The following GLDC variants were observed in gnomAD, a reference collection of about 807,000 sequenced individuals.
GLDC encodes glycine decarboxylase.
Under a neutral mutation model 121.3 loss-of-function variants are expected in GLDC, and 104 were observed. The observed-to-expected ratio is 0.86, with a 90% CI of 0.73 to 1.01. The LOEUF (loss-of-function observed/expected upper bound fraction) is 1.01, where lower values mean the gene tolerates loss of function less well. GLDC is among the 50% of genes least tolerant of loss of function. The probability of loss-of-function intolerance (pLI) is 0.00; values close to 1 mark genes in which losing one functional copy is unlikely to be tolerated. For synonymous variants in GLDC, 546 were observed against 480.6 expected (o/e 1.14, Z -1.78); for missense variants, 1,429 against 1,306.6 (o/e 1.09, Z -1.44).
At chr9:6,613,099 T>C (rs376724216) in intron 3 of GLDC, among the ~76,000 whole-genome samples, 12 of 152,242 alleles carry the variant, frequency 7.9e-5, no homozygotes, top group African/African-American at 2.9e-4. Flanking sequence ...TTTTATTGTA[T>C]GTTCCAAATG....
chr9:6,609,623 C>G (rs898731258), intron 4 of GLDC, among the ~76,000 whole-genome samples: 1 of 151,974 alleles, frequency 6.6e-6, no homozygotes, highest in African/African-American at 2.4e-5. Context: ...CACCCTCACC[C>G]CCACCCCCAG....
rs1357596813 is a variant in GLDC at position 6,645,563 on chromosome 9, G to A, written c.-64C>T. 3.4e-6 allele frequency: 4 copies of A among 1,192,120 alleles called. No homozygotes were observed. Among genetic ancestry groups the A allele is most frequent in the Non-Finnish European group, 4.2e-6 (4 of 948,528 alleles). The allele number at this position is 1,192,120 out of a possible 1,614,324, so 73.8% of individuals were successfully genotyped here. A position where few individuals can be genotyped will look rare whatever the true frequency, so the allele number is the denominator to read the frequency against. On this transcript the variant is annotated 5_prime_UTR_variant, in exon 1 of 25. Transcript: ENST00000321612. ...CAGCCGCGCTCTTGGCCCCTCTCCT[G>A]GCCTCGGTCCCCCGGGTGGCGGCTG... is the stretch of plus-strand genomic sequence containing the variant.
At chr9:6,585,899 C>CTATCTATCTATCTAT (rs1170236539) in intron 15 of GLDC, among the ~76,000 whole-genome samples, 9,865 of 93,770 alleles carry the variant, frequency 0.11, 552 homozygotes, top group Non-Finnish European at 0.14. Flanking sequence ...TATCATCTGT[C>CTATCTATCTATCTAT]CATCGGTCCA....
intron 21 of GLDC, among the ~76,000 whole-genome samples, chr9:6,548,331 A>G (rs959529532): frequency 6.6e-6 from 1 of 151,204 alleles, no homozygotes; most frequent in Admixed American, 6.7e-5. Context: ...GCTATTCCTT[A>G]AAGCCAATAC....
At chr9:6,548,899 A>C (rs1213764483) in intron 21 of GLDC, among the ~76,000 whole-genome samples, 1 of 143,524 alleles carries the variant, frequency 7.0e-6, no homozygotes, top group East Asian at 2.1e-4. Context: ...TTCATAGTTA[A>C]AAAGAAAATA....
Position 6,610,251 on chromosome 9 carries a change from G to C in GLDC, c.576C>G (p.Ala192=), listed in dbSNP as rs768514155. ...TCCCCTCATCCAGCAGGGATGCATT[G>C]GCCATGTCCAGGCCTGTGATGTCAC... is the stretch of plus-strand genomic sequence containing the variant. ...MVCDITGLDM[A]NASLLDEGTA... is the part of the protein sequence containing the mutation. Residue 192 remains alanine (A), a synonymous_variant, in exon 4 of 25, where the codon GCC becomes GCG. Coordinates refer to ENST00000321612, the MANE Select transcript of GLDC (RefSeq NM_000170.3). 40 of 1,613,848 alleles carry C rather than the reference G, an allele frequency of 2.5e-5. No homozygotes were observed. The East Asian group carries it at 8.5e-4, about 34-fold the overall frequency.
chr9:6,603,726 CCTTTTTTTT>C (rs1054412783), intron 7 of GLDC, among the ~76,000 whole-genome samples: 2 of 130,154 alleles, frequency 1.5e-5, no homozygotes, highest in African/African-American at 3.3e-5. Context: ...CCTTTTTTTT[CCTTTTTTTT>C]CTTTTTTTTT....
intron 1 of GLDC, chr9:6,644,897 T>C (rs942179806): frequency 2.5e-5 from 16 of 630,810 alleles, no homozygotes; most frequent in South Asian, 1.3e-4. Context: ...CCACTCGGGG[T>C]TGGATTTCAG....
At chr9:6,535,902 G>A (rs1241019048) in intron 23 of GLDC, 162 bp downstream of exon 23, 5 of 695,370 alleles carry the variant, frequency 7.2e-6, no homozygotes, top group African/African-American at 5.2e-5. Context: ...TGTTCAAGAC[G>A]ATGGAAACTT....
intron 15 of GLDC, among the ~76,000 whole-genome samples, chr9:6,581,491 G>C (rs1218035256): frequency 6.6e-6 from 1 of 152,226 alleles, no homozygotes; most frequent in African/African-American, 2.4e-5. Flanking sequence ...GCATACCAGA[G>C]GCATAGTGGC....
At chr9:6,573,018 C>T (rs987926119) in intron 15 of GLDC, among the ~76,000 whole-genome samples, 1 of 152,196 alleles carries the variant, frequency 6.6e-6, no homozygotes, top group Admixed American at 6.5e-5. Flanking sequence ...CTTTTCAAAG[C>T]TGTCTGGCTC....
intron 3 of GLDC, among the ~76,000 whole-genome samples, chr9:6,618,554 G>A (rs183198432): frequency 2.5e-3 from 387 of 152,176 alleles, no homozygotes; most frequent in Non-Finnish European, 4.2e-3. Context: ...TGATCCACCC[G>A]CCTCAACCTC....
intron 5 of GLDC, chr9:6,606,295 G>C: frequency 2.6e-6 from 1 of 377,668 alleles, no homozygotes; most frequent in Non-Finnish European, 4.8e-6. Context: ...GGACGACAGA[G>C]CGAGACTCCG....
chr9:6,541,413 C>G (rs1817255320), intron 21 of GLDC: 1 of 152,240 alleles, frequency 6.6e-6, no homozygotes, highest in Non-Finnish European at 1.5e-5. Context: ...AATGAATCCA[C>G]TTATAGAGAC....
chr9:6,553,634 T>A (rs1413641093), intron 19 of GLDC, 125 bp from the exon 20 acceptor site: 2 of 868,344 alleles, frequency 2.3e-6, no homozygotes, highest in Non-Finnish European at 3.8e-6. Flanking sequence ...GAAGGGACTC[T>A]CCACCTGCTG....
At chr9:6,611,950 G>A (rs532110898) in intron 3 of GLDC, among the ~76,000 whole-genome samples, 5 of 152,194 alleles carry the variant, frequency 3.3e-5, no homozygotes, top group African/African-American at 1.2e-4. Context: ...TCTTCACGGT[G>A]TCAAGCCATG....
At position 6,546,909 on chromosome 9, in the gene GLDC, C is replaced by A. The variant is rs7467529; in HGVS notation, c.2569+3894G>T. 9.7e-3 allele frequency among the ~76,000 whole-genome samples: 1,477 copies of A among 152,022 alleles called. 24 individuals carry two copies. The highest frequency in any genetic ancestry group is 0.034 in the African/African-American group (1,401 of 41,452). ...CCTGGGAGGCGGAGGTTGCAGTGAG[C>A]CAACATCACACCACTGCACTCCCAC... On this transcript the variant is annotated intron_variant, in intron 21 of 24. Coordinates refer to ENST00000321612, the MANE Select transcript of GLDC (RefSeq NM_000170.3).
At chr9:6,582,742 T>C (rs1422670404) in intron 15 of GLDC, among the ~76,000 whole-genome samples, 2 of 150,490 alleles carry the variant, frequency 1.3e-5, no homozygotes, top group African/African-American at 4.9e-5. Flanking sequence ...GGCAGGAGAA[T>C]GGCGTGAACC....
At position 6,634,634 on chromosome 9, in the gene GLDC, A is replaced by G. The variant is rs12339217; in HGVS notation, c.334+9980T>C. On this transcript the variant is annotated intron_variant, in intron 2 of 24. Transcript: ENST00000321612. ...AAGCTCTGCCGGAAAACTAATGCAG[A>G]CTCATTCATTCTCTGGAGATATAAG... Among the ~76,000 whole-genome samples the G allele has an allele frequency of 1.8e-3, 281 of 152,062 alleles. 3 individuals are homozygous for G. Among genetic ancestry groups the G allele is most frequent in the African/African-American group, 6.4e-3 (265 of 41,476 alleles).
Sources: gnomAD v4.1 joint callset for allele counts (sites outside exome capture counted in the v4.1 genomes callset) on GRCh38, gnomAD v4.1.1 for gene constraint, MANE v1.5 for transcripts, NCBI Gene and HGNC (gene_info 2026-07-23, HGNC 2026-07-21) for gene names.